Variants in COXFA4L2 observed in about 807,000 individuals in gnomAD.
The protein encoded by COXFA4L2 is NADH dehydrogenase (ubiquinone) 1 alpha subcomplex, 4-like 2.
chr12:57,236,157 C>T, the COXFA4L2 span: 2 of 336,334 alleles, frequency 5.9e-6, no homozygotes, highest in East Asian at 4.6e-5. Context: ...GGTGATGTGC[C>T]GGGAATTATA....
At chr12:57,239,004 C>T in the COXFA4L2 span, among the ~76,000 whole-genome samples, 1 of 152,246 alleles carries the variant, frequency 6.6e-6, no homozygotes, top group Non-Finnish European at 1.5e-5. The surrounding 1 kb of genome is among the most constrained non-coding windows in gnomAD (Gnocchi z 5.5). Context: ...TCGCTCCCCA[C>T]ACTTTCCCAC....
chr12:57,240,680 T>G, the COXFA4L2 span: 2 of 985,404 alleles, frequency 2.0e-6, no homozygotes, highest in African/African-American at 1.7e-5. Context: ...CACACATACC[T>G]GCAGGCGGAG....
chr12:57,236,356 G>A, the COXFA4L2 span: 2 of 493,650 alleles, frequency 4.1e-6, no homozygotes, highest in South Asian at 3.4e-5. Flanking sequence ...TGGCAACCCG[G>A]CCGGGAGAGG....
chr12:57,237,055 A>G, the COXFA4L2 span: 1 of 1,614,082 alleles, frequency 6.2e-7, no homozygotes, highest in Admixed American at 1.7e-5. Context: ...ATCTGCCGGT[A>G]GAAGCGGGCC....
the COXFA4L2 span, among the ~76,000 whole-genome samples, chr12:57,237,558 T>G: frequency 6.6e-6 from 1 of 152,192 alleles, no homozygotes; most frequent in South Asian, 2.1e-4. Flanking sequence ...GAGCGGGTCC[T>G]GAGAACCCTG....
the COXFA4L2 span, chr12:57,236,777 C>T: frequency 1.7e-6 from 2 of 1,173,236 alleles, no homozygotes; most frequent in Non-Finnish European, 2.4e-6. Context: ...AACCCCACCC[C>T]GGGTCTGGTG....
At chr12:57,238,076 C>T in the COXFA4L2 span, among the ~76,000 whole-genome samples, 1 of 152,138 alleles carries the variant, frequency 6.6e-6, no homozygotes, top group Non-Finnish European at 1.5e-5. The surrounding 1 kb of genome is among the most constrained non-coding windows in gnomAD (Gnocchi z 6.8). Context: ...TATCTCTCCC[C>T]ACTCCCACGA....
At chr12:57,236,250 C>T in the COXFA4L2 span, 7 of 351,770 alleles carry the variant, frequency 2.0e-5, no homozygotes, top group East Asian at 3.1e-4. Flanking sequence ...CCCAATGCCA[C>T]CCCCAGCAGC....
chr12:57,237,262 C>T, the COXFA4L2 span: 14 of 1,457,680 alleles, frequency 9.6e-6, no homozygotes, highest in East Asian at 3.2e-4. Context: ...AATTCCAGGC[C>T]CAAAGCCTGT....
chr12:57,239,962 C>T, the COXFA4L2 span: 1 of 152,318 alleles, frequency 6.6e-6, no homozygotes, highest in Non-Finnish European at 1.5e-5. The surrounding 1 kb of genome is among the most constrained non-coding windows in gnomAD (Gnocchi z 5.5). Flanking sequence ...AGCCCGGAGA[C>T]GCCTCGGGGC....
At chr12:57,239,012 C>G in the COXFA4L2 span, among the ~76,000 whole-genome samples, 3 of 152,232 alleles carry the variant, frequency 2.0e-5, no homozygotes, top group Non-Finnish European at 4.4e-5. The surrounding 1 kb of genome is among the most constrained non-coding windows in gnomAD (Gnocchi z 5.5). Flanking sequence ...CACACTTTCC[C>G]ACCACGAGGA....
chr12:57,235,118 G>A, the COXFA4L2 span: 3 of 185,726 alleles, frequency 1.6e-5, no homozygotes, highest in Non-Finnish European at 3.4e-5. Flanking sequence ...CCCTGGACCA[G>A]CCCAAGCTGA....
chr12:57,237,430 G>A, the COXFA4L2 span: 3 of 1,081,244 alleles, frequency 2.8e-6, no homozygotes, highest in African/African-American at 4.8e-5. Context: ...AGGAGGCATG[G>A]CCATGGGACA....
chr12:57,239,503 T>TAAG, the COXFA4L2 span: 1 of 152,262 alleles, frequency 6.6e-6, no homozygotes, highest in East Asian at 1.9e-4. The surrounding 1 kb of genome is among the most constrained non-coding windows in gnomAD (Gnocchi z 5.5). Flanking sequence ...GGGTTCCTCT[T>TAAG]CTGGGGTTGG....
chr12:57,235,388 A>G, the COXFA4L2 span: 1 of 711,102 alleles, frequency 1.4e-6, no homozygotes, highest in East Asian at 2.5e-5. Context: ...CGCTGCTGGG[A>G]GCAAGGGAGG....
chr12:57,237,205 G>A, the COXFA4L2 span: 12 of 1,577,232 alleles, frequency 7.6e-6, no homozygotes, highest in East Asian at 2.3e-5. Context: ...GGCCCAGCCC[G>A]TGCTTCTTTG....
chr12:57,238,096 C>T, the COXFA4L2 span, among the ~76,000 whole-genome samples: 1 of 152,118 alleles, frequency 6.6e-6, no homozygotes, highest in South Asian at 2.1e-4. This position sits in a 1 kb window ranked among gnomAD's most constrained non-coding sequence, Gnocchi z 6.8. Context: ...ATAACCTCCA[C>T]CACCCCCTCC....
the COXFA4L2 span, chr12:57,237,370 T>C: frequency 1.5e-6 from 2 of 1,372,050 alleles, no homozygotes; most frequent in Non-Finnish European, 1.9e-6. Context: ...TTGGGGCTTC[T>C]GGCATCTGAG....
At chr12:57,237,375 T>C in the COXFA4L2 span, 3 of 1,365,538 alleles carry the variant, frequency 2.2e-6, no homozygotes, top group Non-Finnish European at 2.8e-6. Flanking sequence ...GCTTCTGGCA[T>C]CTGAGGGAAG....
Sources: allele counts gnomAD v4.1 joint callset (sites outside exome capture counted in the v4.1 genomes callset), GRCh38; gene constraint gnomAD v4.1.1; non-coding constraint Gnocchi (gnomAD v3.1); transcripts MANE v1.5; gene names NCBI Gene and HGNC (gene_info 2026-07-23, HGNC 2026-07-21).